CAMK4: variants seen among roughly 807,000 people sequenced by gnomAD.
The protein encoded by CAMK4 is calcium/calmodulin-dependent protein kinase type IV.
In CAMK4, 22 loss-of-function variants were observed where a neutral mutation model predicts 44.9. That is an observed-to-expected ratio of 0.49 (90% confidence interval 0.35 to 0.70). CAMK4 has a LOEUF of 0.70. Ranked by LOEUF, CAMK4 falls within the 30% of genes least tolerant of loss-of-function variation. The pLI is 0.01. For missense variants in CAMK4, 498 were observed against 586.8 expected, an observed-to-expected ratio of 0.85 and a Z score of 1.56; for synonymous variants, 218 against 215.4, an observed-to-expected ratio of 1.01 and a Z score of -0.11.
chr5:111,282,907 G>C (rs1443270632), intron 1 of CAMK4: 1 of 152,128 alleles, frequency 6.6e-6, no homozygotes, highest in Non-Finnish European at 1.5e-5. Context: ...GCCCACAATT[G>C]GGCAAAATCA....
rs554922920 is a variant in CAMK4 at position 111,289,505 on chromosome 5, T to A, written c.162-54519T>A. 2.0e-5 allele frequency among the ~76,000 whole-genome samples: 3 copies of A among 152,364 alleles called. No homozygotes were observed. In the South Asian group the frequency reaches 6.2e-4, roughly 32 times the overall value. On this transcript the variant is annotated intron_variant, in intron 1 of 10. Transcript: ENST00000282356. ...TGGCCTGTCACAATCTCTAAAAGAC[T>A]TAAGGCAAGAAGGGTAGTGAAACAG...
At chr5:111,446,573 A>G in intron 5 of CAMK4, 113 bp from the exon 6 acceptor site, 1 of 617,962 alleles carries the variant, frequency 1.6e-6, no homozygotes, top group Non-Finnish European at 2.9e-6. Context: ...TTGTTAAGTC[A>G]TACTATGTGT....
chr5:111,295,861 A>C (rs1306429568), intron 1 of CAMK4, among the ~76,000 whole-genome samples: 1 of 152,154 alleles, frequency 6.6e-6, no homozygotes, highest in Non-Finnish European at 1.5e-5. Context: ...TCAAAAAGTG[A>C]GGTTGAAGCA....
chr5:111,322,212 C>T (rs769312656), intron 1 of CAMK4, among the ~76,000 whole-genome samples: 5 of 151,808 alleles, frequency 3.3e-5, no homozygotes, highest in South Asian at 2.1e-4. Flanking sequence ...TTTTTTGAGA[C>T]GAAGTAGAAA....
chr5:111,334,006 G>A (rs879077054), intron 1 of CAMK4, among the ~76,000 whole-genome samples: 2 of 151,574 alleles, frequency 1.3e-5, no homozygotes, highest in South Asian at 2.1e-4. Flanking sequence ...AGGTGCTTAC[G>A]CTTGCTTTCT....
At chr5:111,380,709 T>G (rs1751382201) in intron 4 of CAMK4, among the ~76,000 whole-genome samples, 1 of 152,158 alleles carries the variant, frequency 6.6e-6, no homozygotes, top group Non-Finnish European at 1.5e-5. Context: ...CTTTCTGTGT[T>G]TTTGCTTGCC....
At chr5:111,277,816 A>C (rs376551354) in intron 1 of CAMK4, among the ~76,000 whole-genome samples, 1 of 152,096 alleles carries the variant, frequency 6.6e-6, no homozygotes, top group African/African-American at 2.4e-5. Context: ...TGATTTTATA[A>C]ACTGCTTCTT....
chr5:111,289,643 A>G (rs2112621755), intron 1 of CAMK4, among the ~76,000 whole-genome samples: 1 of 152,376 alleles, frequency 6.6e-6, no homozygotes, highest in African/African-American at 2.4e-5. Flanking sequence ...ATTGGACACC[A>G]GTCTTTGTGG....
intron 1 of CAMK4, among the ~76,000 whole-genome samples, chr5:111,335,563 A>G (rs765227258): frequency 4.6e-5 from 7 of 151,436 alleles, no homozygotes; most frequent in Non-Finnish European, 1.0e-4. Context: ...AAGTTATTCC[A>G]TATGAATTAG....
intron 1 of CAMK4, among the ~76,000 whole-genome samples, chr5:111,230,933 G>A (rs1748443617): frequency 6.6e-6 from 1 of 151,944 alleles, no homozygotes; most frequent in African/African-American, 2.4e-5. Flanking sequence ...AAAATATGGT[G>A]TTTGAGGCAA....
chr5:111,323,491 G>A (rs1321643119), intron 1 of CAMK4, among the ~76,000 whole-genome samples: 5 of 151,734 alleles, frequency 3.3e-5, no homozygotes, highest in African/African-American at 4.8e-5. Context: ...GAGTTTATTG[G>A]GACCCTGTAA....
chr5:111,228,077 G>A (rs1264905561), intron 1 of CAMK4, among the ~76,000 whole-genome samples: 1 of 152,162 alleles, frequency 6.6e-6, no homozygotes, highest in African/African-American at 2.4e-5. Flanking sequence ...GATTTCGTCT[G>A]TGCATGCAAA....
chr5:111,238,413 C>T (rs952116331), intron 1 of CAMK4, among the ~76,000 whole-genome samples: 33 of 152,110 alleles, frequency 2.2e-4, no homozygotes, highest in African/African-American at 7.2e-4. Flanking sequence ...AGAGCTTGCT[C>T]GCTCGCTGTC....
chr5:111,422,937 T>G (rs903883984), intron 5 of CAMK4, among the ~76,000 whole-genome samples: 1 of 152,134 alleles, frequency 6.6e-6, no homozygotes, highest in Non-Finnish European at 1.5e-5. Flanking sequence ...GAATGATGAT[T>G]TATTCATCTC....
rs1215362561 is a variant in CAMK4 at position 111,486,369 on chromosome 5, C to T, written c.*1903C>T. On this transcript the variant is annotated 3_prime_UTR_variant, in exon 11 of 11. Coordinates refer to ENST00000282356, the MANE Select transcript of CAMK4 (RefSeq NM_001744.6). The stretch of plus-strand genomic sequence containing the variant: ...TTCCTTCCTCATTTAATTATTCCCT[C>T]TCAGAATTCCCATGTTGTCCATTAT... 4 of 151,986 alleles carry T rather than the reference C, an allele frequency of 2.6e-5. No individual in the cohort carries two copies. Among genetic ancestry groups the T allele is most frequent in the Admixed American group, 2.6e-4 (4 of 15,228 alleles). The allele number at this position is 151,986 out of a possible 1,614,324, so 9.4% of individuals were successfully genotyped here. A position where few individuals can be genotyped will look rare whatever the true frequency, so the allele number is the denominator to read the frequency against.
At chr5:111,344,953 A>C (rs138913203) in intron 2 of CAMK4, among the ~76,000 whole-genome samples, 143 of 152,028 alleles carry the variant, frequency 9.4e-4, no homozygotes, top group African/African-American at 3.3e-3. Flanking sequence ...TCATTTTCAA[A>C]TTTCATGTGA....
rs188175018 is a variant in CAMK4 at position 111,229,665 on chromosome 5, C to G, written c.161+5021C>G. Among the ~76,000 whole-genome samples the G allele has an allele frequency of 6.6e-5, 10 of 152,332 alleles. 1 individual carries two copies. In the South Asian group the frequency reaches 1.5e-3, roughly 22 times the overall value. On this transcript the variant is annotated intron_variant, in intron 1 of 10. Transcript: ENST00000282356. ...CCCATGGCCTATCTGGGTAGGTATA[C>G]TGCTGGCTTCTGATCTCCTGCTACA...
At chr5:111,458,364 ACTGCGT>A in intron 7 of CAMK4, among the ~76,000 whole-genome samples, 1 of 152,140 alleles carries the variant, frequency 6.6e-6, no homozygotes. Context: ...TCTGAAGAAA[ACTGCGT>A]CTTTGGAGTC....
At chr5:111,465,523 A>G (rs1481720375) in intron 7 of CAMK4, among the ~76,000 whole-genome samples, 1 of 152,188 alleles carries the variant, frequency 6.6e-6, no homozygotes, top group Non-Finnish European at 1.5e-5. Flanking sequence ...AACAGGAGAT[A>G]CTACAACCAA....
Sources: gnomAD v4.1 joint callset for allele counts (sites outside exome capture counted in the v4.1 genomes callset) on GRCh38, gnomAD v4.1.1 for gene constraint, MANE v1.5 for transcripts, NCBI Gene and HGNC (gene_info 2026-07-23, HGNC 2026-07-21) for gene names.